Variants in CLSTN3 observed in about 807,000 individuals in gnomAD.
The protein encoded by CLSTN3 is calsyntenin 3.
Under a neutral mutation model 95.9 loss-of-function variants are expected in CLSTN3, and 36 were observed. That is an observed-to-expected ratio of 0.38 (90% CI 0.29 to 0.50). The LOEUF (loss-of-function observed/expected upper bound fraction) is 0.50. CLSTN3 is among the 20% of genes least tolerant of loss of function. The pLI is 0.95. For synonymous variants in CLSTN3, 481 were observed against 504.0 expected (o/e 0.95, Z 0.61); for missense variants, 1,084 against 1,268.8 (o/e 0.85, Z 2.21).
intron 12 of CLSTN3, among the ~76,000 whole-genome samples, chr12:7,148,073 T>C (rs750579473): frequency 6.6e-6 from 1 of 151,818 alleles, no homozygotes; most frequent in East Asian, 1.9e-4. Context: ...GAGGAATCGC[T>C]TGAACCCAGG....
intron 10 of CLSTN3, among the ~76,000 whole-genome samples, chr12:7,142,388 T>G (rs895547860): frequency 1.3e-5 from 2 of 151,938 alleles, no homozygotes; most frequent in African/African-American, 4.8e-5. Context: ...GCTTTCCACA[T>G]GGTAGAAGGG....
Position 7,135,334 on chromosome 12 carries a change from G to C in CLSTN3, c.391G>C (p.Val131Leu), listed in dbSNP as rs1400306089. 3.7e-6 allele frequency: 6 copies of C among 1,613,982 alleles called. No homozygotes were observed. The highest frequency in any genetic ancestry group is 5.1e-6 in the Non-Finnish European group (6 of 1,179,988). ...ANTKKSHKAT[V>L]HVRVNDVNEF... ...TCTCTCTGGCATATGCAGGGCCACT[G>C]TGCATGTGCGGGTCAACGATGTGAA... Residue 131 changes from valine to leucine, a missense_variant, in exon 4 of 18, where the codon GTG becomes CTG. Physicochemically the swap from Val to Leu is conservative, Grantham distance 32 (BLOSUM62 1). Transcript: ENST00000266546.
Position 7,136,252 on chromosome 12 carries a change from T to G in CLSTN3, c.789T>G (p.Ala263=). ...IEYAPGAGSL[A]LFPGIRLETC... is the part of the protein sequence containing the mutation. ...ATGCACCAGGTGCTGGGAGCTTGGCTTTGTTCCCTGGTATCCGCCTGGAGA... is the reference window on the plus strand; with the variant it reads ...ATGCACCAGGTGCTGGGAGCTTGGCGTTGTTCCCTGGTATCCGCCTGGAGA... The change falls in exon 6 of 18, where the codon GCT becomes GCG. Residue 263 remains alanine (A), a synonymous_variant. Transcript: ENST00000266546. The G allele has an allele frequency of 6.2e-7, 1 of 1,614,228 alleles. No individual in the cohort carries two copies. The highest frequency in any genetic ancestry group is 8.5e-7 in the Non-Finnish European group (1 of 1,180,034).
intron 12 of CLSTN3, among the ~76,000 whole-genome samples, chr12:7,145,122 G>C (rs1939602435): frequency 6.6e-6 from 1 of 152,198 alleles, no homozygotes; most frequent in Admixed American, 6.5e-5. Flanking sequence ...GGGGGGAGGA[G>C]TTGACATTCT....
At chr12:7,132,821 A>G in intron 1 of CLSTN3, 1 of 654,364 alleles carries the variant, frequency 1.5e-6, no homozygotes, top group Admixed American at 2.3e-5. Flanking sequence ...CTATAGGAGA[A>G]GGCTATGACC....
In CLSTN3 at chr12:7,157,109, G is replaced by A. The variant is rs752472481; in HGVS notation, c.2528-380G>A. ...CTGGCACCTCTTTCCTAGGCTGAGT[G>A]GTCTCTGGGGAAGGCACAGGTGGAA... On this transcript the variant is annotated intron_variant, in intron 16 of 17. Coordinates refer to ENST00000266546, the MANE Select transcript of CLSTN3 (RefSeq NM_014718.4). This position sits in a 1 kb window ranked among gnomAD's most constrained non-coding sequence, Gnocchi z 5.9. 6.6e-6 allele frequency among the ~76,000 whole-genome samples: 1 copy of A among 152,298 alleles called. No individual in the cohort carries two copies. Among genetic ancestry groups the A allele is most frequent in the Admixed American group, 6.5e-5 (1 of 15,304 alleles).
Position 7,158,087 on chromosome 12 carries a change from A to G in CLSTN3, c.*6A>G. ...CCCCCCCACACCGCTACTAAGGCCT[A>G]CACCTCTCCCCACGCAGAGGGGGAA... On this transcript the variant is annotated 3_prime_UTR_variant, in exon 18 of 18. Transcript: ENST00000266546. The G allele has an allele frequency of 1.3e-6, 2 of 1,504,736 alleles. No individual in the cohort carries two copies. Among genetic ancestry groups the G allele is most frequent in the East Asian group, 5.0e-5 (2 of 40,238 alleles). The allele number at this position is 1,504,736 out of a possible 1,614,324, so 93.2% of individuals were successfully genotyped here. A position where few individuals can be genotyped will look rare whatever the true frequency, so the allele number is the denominator to read the frequency against.
rs1349604250 is a variant in CLSTN3 at position 7,157,311 on chromosome 12, C to G, written c.2528-178C>G. 6.6e-6 allele frequency among the ~76,000 whole-genome samples: 1 copy of G among 152,158 alleles called. No individual in the cohort carries two copies. The highest frequency in any genetic ancestry group is 1.9e-4 in the East Asian group (1 of 5,194). On this transcript the variant is annotated intron_variant, in intron 16 of 17. Transcript: ENST00000266546. The surrounding 1 kb of genome is among the most constrained non-coding windows in gnomAD (Gnocchi z 5.9). ...CCTTCCTCCCCTTTCGTCTCCTGCCCTTCCTGGTGGGCTGTTTCTCTTCTG... is the reference window on the plus strand; with the variant it reads ...CCTTCCTCCCCTTTCGTCTCCTGCCGTTCCTGGTGGGCTGTTTCTCTTCTG...
chr12:7,142,960 G>A lies in CLSTN3; in HGVS notation c.1632G>A (p.Glu544=), dbSNP rs757243940. 7 of 1,614,172 alleles carry A rather than the reference G, an allele frequency of 4.3e-6. No homozygotes were observed. The highest frequency in any genetic ancestry group is 4.2e-6 in the Non-Finnish European group (5 of 1,180,026). ...SGRLESREVI[E]CLYACREGLD... ...GCCTGGAGAGCCGCGAGGTCATCGA[G>A]TGCCTCTATGCATGTCGGGAGGGGC... is the stretch of plus-strand genomic sequence containing the variant. The change falls in exon 11 of 18, where the codon GAG becomes GAA. Residue 544 remains glutamate, a synonymous_variant. Transcript: ENST00000266546.
At chr12:7,132,961 T>A in intron 1 of CLSTN3, 63 bp from the exon 2 acceptor site, 1 of 1,608,576 alleles carries the variant, frequency 6.2e-7, no homozygotes, top group Non-Finnish European at 8.5e-7. Context: ...TCAACAAGGG[T>A]TGTTGTGGGA....
Position 7,150,855 on chromosome 12 carries a change from G to A in CLSTN3, c.2392-73G>A. On this transcript the variant is annotated intron_variant, in intron 15 of 17. Transcript: ENST00000266546. The surrounding 1 kb of genome is among the most constrained non-coding windows in gnomAD (Gnocchi z 4.0). ...GAGATGGGGGCAGTAGTTAGGAGAT[G>A]GGGCTGGGGTCTAGAGAAGTGGGGA... 1 of 1,547,104 alleles carries A rather than the reference G, an allele frequency of 6.5e-7. No homozygotes were observed. The highest frequency in any genetic ancestry group is 8.8e-7 in the Non-Finnish European group (1 of 1,140,706).
In CLSTN3 at chr12:7,142,195, T is replaced by G. The variant is rs1340207992; in HGVS notation, c.1540+56T>G. The G allele has an allele frequency of 2.0e-6, 3 of 1,464,072 alleles. No individual in the cohort carries two copies. The African/African-American group carries it at 4.2e-5, about 21-fold the overall frequency. 90.7% of individuals were successfully genotyped at this position (1,464,072 alleles called of 1,614,324 possible). ...GAGTTCTCATCTTCACTTTCTGTTC[T>G]GAGATCCCTTTTCCACCCCAAATCC... On this transcript the variant is annotated intron_variant, in intron 10 of 17. Coordinates refer to ENST00000266546, the MANE Select transcript of CLSTN3 (RefSeq NM_014718.4).
At chr12:7,131,587 G>C (rs771419798) in intron 1 of CLSTN3, among the ~76,000 whole-genome samples, 1 of 152,084 alleles carries the variant, frequency 6.6e-6, no homozygotes, top group Non-Finnish European at 1.5e-5. Context: ...GAGTGAAAGG[G>C]AGCAAACGCA....
intron 12 of CLSTN3, among the ~76,000 whole-genome samples, chr12:7,148,156 A>AATAGAAAG (rs1939653727): frequency 7.4e-6 from 1 of 135,406 alleles, no homozygotes; most frequent in Non-Finnish European, 1.6e-5. Flanking sequence ...AACTCCATCA[A>AATAGAAAG]AAAGAAAGAA....
rs1939836026 is a variant in CLSTN3 at position 7,157,398 on chromosome 12, C to T, written c.2528-91C>T. 2.6e-6 allele frequency: 3 copies of T among 1,160,300 alleles called. No homozygotes were observed. Among genetic ancestry groups the T allele is most frequent in the South Asian group, 1.7e-5 (1 of 59,568 alleles). 71.9% of individuals were successfully genotyped at this position (1,160,300 alleles called of 1,614,324 possible). A position where few individuals can be genotyped will look rare whatever the true frequency, so the allele number is the denominator to read the frequency against. On this transcript the variant is annotated intron_variant, in intron 16 of 17. Coordinates refer to ENST00000266546, the MANE Select transcript of CLSTN3 (RefSeq NM_014718.4). The surrounding 1 kb of genome is among the most constrained non-coding windows in gnomAD (Gnocchi z 5.9). ...TGTTCTGCCCTGGGAGTCCTTCAGC[C>T]CGGGCTGCCTCTTTTCCTACCCAGC...
At chr12:7,147,336 T>C (rs1939635899) in intron 12 of CLSTN3, among the ~76,000 whole-genome samples, 1 of 121,368 alleles carries the variant, frequency 8.2e-6, no homozygotes, top group Admixed American at 1.1e-4. Flanking sequence ...GAGGCAGAGG[T>C]TGCAGTGAGC....
chr12:7,136,495 T>C, intron 6 of CLSTN3, 104 bp downstream of exon 6: 2 of 1,135,670 alleles, frequency 1.8e-6, no homozygotes, highest in Non-Finnish European at 2.5e-6. Context: ...CATCCACAGG[T>C]GTTTATCCAT....
In CLSTN3 at chr12:7,150,361, G is replaced by C. The variant is rs1368139078; in HGVS notation, c.2246-183G>C. Among the ~76,000 whole-genome samples, 2 of 152,142 alleles carry C rather than the reference G, an allele frequency of 1.3e-5. No individual in the cohort carries two copies. The highest frequency in any genetic ancestry group is 2.4e-5 in the African/African-American group (1 of 41,432). On this transcript the variant is annotated intron_variant, in intron 14 of 17. Transcript: ENST00000266546. The surrounding 1 kb of genome is among the most constrained non-coding windows in gnomAD (Gnocchi z 4.0). The stretch of plus-strand genomic sequence containing the variant: ...AGCCTTGATCTCTCCATCCTAGTTA[G>C]TCAGAGTGGGCAGGGATGGAGGGGA...
rs1319615926 is a variant in CLSTN3 at position 7,141,948 on chromosome 12, A to T, written c.1487-138A>T. 1.5e-6 allele frequency: 1 copy of T among 654,590 alleles called. No homozygotes were observed. Among genetic ancestry groups the T allele is most frequent in the Non-Finnish European group, 2.6e-6 (1 of 385,670 alleles). 40.5% of individuals were successfully genotyped at this position (654,590 alleles called of 1,614,324 possible). On this transcript the variant is annotated intron_variant, in intron 9 of 17. Transcript: ENST00000266546. This position sits in a 1 kb window ranked among gnomAD's most constrained non-coding sequence, Gnocchi z 4.1. ...GGGCTGAGCTGAGAGGTTGCAAGTT[A>T]TACATGGGCAGGGTCAGAATCCCAT...
Sources: gnomAD v4.1 joint callset for allele counts (sites outside exome capture counted in the v4.1 genomes callset) on GRCh38, gnomAD v4.1.1 for gene constraint, Gnocchi (gnomAD v3.1) non-coding constraint, MANE v1.5 for transcripts, NCBI Gene and HGNC (gene_info 2026-07-23, HGNC 2026-07-21) for gene names.